The following SEMA6B variants were observed in gnomAD, a reference collection of about 807,000 sequenced individuals.
SEMA6B encodes the protein semaphorin 6B, also known as semaphorin-6B.
A neutral mutation model predicts 78.6 loss-of-function variants in SEMA6B; 47 were observed. That is an observed-to-expected ratio of 0.60 (90% confidence interval 0.47 to 0.76). The LOEUF is 0.76. Ranked by LOEUF, SEMA6B falls within the 30% of genes least tolerant of loss-of-function variation. SEMA6B has a pLI of 0.00. For synonymous variants in SEMA6B, 632 were observed against 592.2 expected, an observed-to-expected ratio of 1.07 and a Z score of -0.98; for missense variants, 1,213 against 1,269.9, an observed-to-expected ratio of 0.96 and a Z score of 0.68.
chr19:4,547,970 C>T (rs1977212459), intron 14 of SEMA6B, 57 bp downstream of exon 14: 2 of 1,490,916 alleles, frequency 1.3e-6, no homozygotes, highest in Admixed American at 2.1e-5. Context: ...AGCTGTCCCT[C>T]CCTGTGCCCA....
Position 4,544,190 on chromosome 19 carries a change from G to A in SEMA6B, c.2078C>T (p.Thr693Met). 1.6e-6 allele frequency: 2 copies of A among 1,270,668 alleles called. No individual in the cohort carries two copies. Among genetic ancestry groups the A allele is most frequent in the South Asian group, 2.6e-5 (1 of 38,076 alleles). 78.7% of individuals were successfully genotyped at this position (1,270,668 alleles called of 1,614,324 possible). The change falls in exon 17 of 17, where the codon ACG (threonine) becomes ATG (methionine). Residue 693 changes from threonine (T) to methionine (M), a missense_variant. Transcript: ENST00000586582. The surrounding 1 kb of genome is among the most constrained non-coding windows in gnomAD (Gnocchi z 5.1). ...PLMQNGWAKATLLQGGPHDLD... is the reference protein window; with the variant it reads ...PLMQNGWAKAMLLQGGPHDLD... ...GTCGTGGGGCCCGCCCTGCAGCAGC[G>A]TGGCCTTGGCCCAGCCGTTCTGCAT...
chr19:4,556,814 G>T (rs1047620809), intron 5 of SEMA6B, 137 bp downstream of exon 5: 11 of 774,462 alleles, frequency 1.4e-5, no homozygotes, highest in Non-Finnish European at 1.7e-5. Flanking sequence ...CAGTTGGGCG[G>T]GGCCAGGGCT....
rs1263231532 is a variant in SEMA6B, at chr19:4,555,862, G to A, written c.471+126C>T. On this transcript the variant is annotated intron_variant, in intron 6 of 16. Transcript: ENST00000586582. The surrounding 1 kb of genome is among the most constrained non-coding windows in gnomAD (Gnocchi z 6.1). ...CTTGAGCTCAGGGGGAGGAGGCAGGGAGAGTATATCCAGGAAGGCTTCCTG... is the reference window on the plus strand; with the variant it reads ...CTTGAGCTCAGGGGGAGGAGGCAGGAAGAGTATATCCAGGAAGGCTTCCTG... The A allele has an allele frequency of 1.7e-4, 132 of 787,828 alleles. No individual in the cohort carries two copies. In the African/African-American group the frequency reaches 1.9e-3, roughly 11 times the overall value. The allele number at this position is 787,828 out of a possible 1,614,324, so 48.8% of individuals were successfully genotyped here. A position where few individuals can be genotyped will look rare whatever the true frequency, so the allele number is the denominator to read the frequency against.
rs778966112 is a variant in SEMA6B, at chr19:4,558,382, G to C, written c.76C>G (p.Leu26Val). 7.8e-7 allele frequency: 1 copy of C among 1,283,338 alleles called. No individual in the cohort carries two copies. The highest frequency in any genetic ancestry group is 9.9e-7 in the Non-Finnish European group (1 of 1,006,912). 79.5% of individuals were successfully genotyped at this position (1,283,338 alleles called of 1,614,324 possible). A position where few individuals can be genotyped will look rare whatever the true frequency, so the allele number is the denominator to read the frequency against. The change falls in exon 2 of 17, where the codon CTC (leucine) becomes GTC (valine). Residue 26 changes from leucine (L) to valine (V), a missense_variant. Coordinates refer to ENST00000586582, the MANE Select transcript of SEMA6B (RefSeq NM_032108.4). This position sits in a 1 kb window ranked among gnomAD's most constrained non-coding sequence, Gnocchi z 5.1. ...AGCGGCGGCGGCTCCTCAGGAAAGA[G>C]GCCGTGGGCGCCCCCCAGTAGCAGC... is the stretch of plus-strand genomic sequence containing the variant. ...LLLLLGGAHG[L>V]FPEEPPPLSV...
chr19:4,559,192 CAAA>C (rs11295195), intron 1 of SEMA6B, among the ~76,000 whole-genome samples: 13 of 107,676 alleles, frequency 1.2e-4, no homozygotes, highest in East Asian at 2.8e-4. Flanking sequence ...AGACTCCATC[CAAA>C]AAAAAAAAAA....
rs372811450 is a variant in SEMA6B, at chr19:4,557,025, G to A, written c.307-12C>T. On this transcript the variant is annotated splice_polypyrimidine_tract_variant and intron_variant, in intron 4 of 16. Transcript: ENST00000586582. The stretch of plus-strand genomic sequence containing the variant: ...CTCCAGGTCAGCTTCTGCAGACAGA[G>A]AGAGCTGGTGAGGGGGTAACGGGTC... The A allele has an allele frequency of 1.1e-5, 17 of 1,611,670 alleles. No individual in the cohort carries two copies. The East Asian group carries it at 3.6e-4, about 34-fold the overall frequency.
At position 4,555,971 on chromosome 19, in the gene SEMA6B, G is replaced by A; in HGVS notation, c.471+17C>T. The stretch of plus-strand genomic sequence containing the variant: ...CCTGGAGGTTGGACCTGGGGCGCAG[G>A]GAGTCTGAAGACTCACGCTGTAGTT... On this transcript the variant is annotated intron_variant, in intron 6 of 16. Transcript: ENST00000586582. The surrounding 1 kb of genome is among the most constrained non-coding windows in gnomAD (Gnocchi z 6.1). 3 of 1,594,222 alleles carry A rather than the reference G, an allele frequency of 1.9e-6. No individual in the cohort carries two copies. The highest frequency in any genetic ancestry group is 1.7e-6 in the Non-Finnish European group (2 of 1,162,038).
At chr19:4,553,007 GTAGT>G (rs1555697866) in intron 9 of SEMA6B, among the ~76,000 whole-genome samples, 2 of 152,232 alleles carry the variant, frequency 1.3e-5, no homozygotes, top group South Asian at 2.1e-4. Flanking sequence ...GGTCACAATA[GTAGT>G]TAGTGGCAGT....
At position 4,546,473 on chromosome 19, in the gene SEMA6B, GA is replaced by G. The variant is rs1292927081; in HGVS notation, c.1602-5del. 1 of 1,552,808 alleles carries G rather than the reference GA, an allele frequency of 6.4e-7. No individual in the cohort carries two copies. Among genetic ancestry groups the G allele is most frequent in the Non-Finnish European group, 8.7e-7 (1 of 1,147,188 alleles). Reference sequence around the variant, plus strand: ...GTCCTGACTGCCGATACAGTTCCTAGAGCAGACCAGGGACCGAATGGGACAA... The same window carrying G: ...GTCCTGACTGCCGATACAGTTCCTAGGCAGACCAGGGACCGAATGGGACAA... On this transcript the variant is annotated splice_polypyrimidine_tract_variant and splice_region_variant and intron_variant, in intron 14 of 16. Coordinates refer to ENST00000586582, the MANE Select transcript of SEMA6B (RefSeq NM_032108.4).
chr19:4,556,639 G>A (rs1599782985), intron 5 of SEMA6B, among the ~76,000 whole-genome samples: 1 of 152,006 alleles, frequency 6.6e-6, no homozygotes, highest in Non-Finnish European at 1.5e-5. Flanking sequence ...GTTGGAACGA[G>A]GCTGGGGGTG....
chr19:4,546,374 C>A lies in SEMA6B; in HGVS notation c.1679+18G>T. On this transcript the variant is annotated intron_variant, in intron 15 of 16. Coordinates refer to ENST00000586582, the MANE Select transcript of SEMA6B (RefSeq NM_032108.4). The stretch of plus-strand genomic sequence containing the variant: ...CGGGTCTGACACACCCTCCACCCAC[C>A]TCCCTCTCCCGCAGTACCTGGTGCC... 6.3e-7 allele frequency: 1 copy of A among 1,583,386 alleles called. No homozygotes were observed. The highest frequency in any genetic ancestry group is 8.6e-7 in the Non-Finnish European group (1 of 1,163,834).
chr19:4,543,153 C>A lies in SEMA6B; in HGVS notation c.*448G>T, dbSNP rs1179673062. On this transcript the variant is annotated 3_prime_UTR_variant, in exon 17 of 17. Transcript: ENST00000586582. ...GCACACGCACGCACACCCACACACG[C>A]CAGGGGCCTGGGTTGGGGAGGGACC... is the stretch of plus-strand genomic sequence containing the variant. 8 of 606,302 alleles carry A rather than the reference C, an allele frequency of 1.3e-5. No homozygotes were observed. The highest frequency in any genetic ancestry group is 1.8e-5 in the Non-Finnish European group (6 of 338,242). 37.6% of individuals were successfully genotyped at this position (606,302 alleles called of 1,614,324 possible). A position where few individuals can be genotyped will look rare whatever the true frequency, so the allele number is the denominator to read the frequency against.
Position 4,555,615 on chromosome 19 carries a change from G to T in SEMA6B, c.472-51C>A. The T allele has an allele frequency of 6.8e-7, 1 of 1,478,038 alleles. No individual in the cohort carries two copies. The allele number at this position is 1,478,038 out of a possible 1,614,324, so 91.6% of individuals were successfully genotyped here. A position where few individuals can be genotyped will look rare whatever the true frequency, so the allele number is the denominator to read the frequency against. ...ACAGATCTCCTGACCCCACCTAGCA[G>T]CCCCTGGCTCCCTCAGCCCCCCACT... On this transcript the variant is annotated intron_variant, in intron 6 of 16. Coordinates refer to ENST00000586582, the MANE Select transcript of SEMA6B (RefSeq NM_032108.4). The surrounding 1 kb of genome is among the most constrained non-coding windows in gnomAD (Gnocchi z 6.1).
At position 4,555,433 on chromosome 19, in the gene SEMA6B, G is replaced by A; in HGVS notation, c.562+41C>T. On this transcript the variant is annotated intron_variant, in intron 7 of 16. Coordinates refer to ENST00000586582, the MANE Select transcript of SEMA6B (RefSeq NM_032108.4). The surrounding 1 kb of genome is among the most constrained non-coding windows in gnomAD (Gnocchi z 6.1). ...GAGTAGAAAATGCCAGGTCTTGCCTGTGGCTGGGGCTGATCAGATGGAGGT... is the reference window on the plus strand; with the variant it reads ...GAGTAGAAAATGCCAGGTCTTGCCTATGGCTGGGGCTGATCAGATGGAGGT... 1 of 1,544,158 alleles carries A rather than the reference G, an allele frequency of 6.5e-7. No homozygotes were observed. The highest frequency in any genetic ancestry group is 8.8e-7 in the Non-Finnish European group (1 of 1,133,732).
chr19:4,549,732 C>A (rs577221020), intron 12 of SEMA6B, among the ~76,000 whole-genome samples: 39 of 152,230 alleles, frequency 2.6e-4, no homozygotes, highest in African/African-American at 8.7e-4. Flanking sequence ...CCTGCCTCGG[C>A]CTCCCAAAGT....
intron 3 of SEMA6B, among the ~76,000 whole-genome samples, chr19:4,557,724 T>A (rs2092494004): frequency 6.6e-6 from 1 of 152,120 alleles, no homozygotes; most frequent in African/African-American, 2.4e-5. Flanking sequence ...CCAGCCTCAA[T>A]CATAGCCAGC....
At chr19:4,545,426 T>A (rs1034248335) in intron 16 of SEMA6B, among the ~76,000 whole-genome samples, 1 of 149,872 alleles carries the variant, frequency 6.7e-6, no homozygotes, top group Non-Finnish European at 1.5e-5. Context: ...AGCCTCCACC[T>A]CCCTGGGCTC....
At chr19:4,557,337 C>T (rs917545481) in intron 3 of SEMA6B, 114 bp from the exon 4 acceptor site, 1 of 720,650 alleles carries the variant, frequency 1.4e-6, no homozygotes, top group Non-Finnish European at 2.3e-6. Context: ...ATGCCAATGC[C>T]TCTGACACGA....
Position 4,544,158 on chromosome 19 carries a change from A to T in SEMA6B, c.2110T>A (p.Ser704Thr). Reference protein sequence around the residue: ...LLQGGPHDLDSGLLPTPEQTP... With the variant: ...LLQGGPHDLDTGLLPTPEQTP... ...TGCTCGGGCGTGGGCAGCAGCCCCG[A>T]GTCCAGGTCGTGGGGCCCGCCCTGC... The change falls in exon 17 of 17, where the codon TCG becomes ACG. Residue 704 changes from serine to threonine, a missense_variant. Coordinates refer to ENST00000586582, the MANE Select transcript of SEMA6B (RefSeq NM_032108.4). This position sits in a 1 kb window ranked among gnomAD's most constrained non-coding sequence, Gnocchi z 5.1. 1 of 1,271,526 alleles carries T rather than the reference A, an allele frequency of 7.9e-7. No homozygotes were observed. The highest frequency in any genetic ancestry group is 3.2e-5 in the East Asian group (1 of 30,886). The allele number at this position is 1,271,526 out of a possible 1,614,324, so 78.8% of individuals were successfully genotyped here. A position where few individuals can be genotyped will look rare whatever the true frequency, so the allele number is the denominator to read the frequency against.
Sources: gnomAD v4.1 joint callset for allele counts (sites outside exome capture counted in the v4.1 genomes callset) on GRCh38, gnomAD v4.1.1 for gene constraint, Gnocchi (gnomAD v3.1) non-coding constraint, MANE v1.5 for transcripts, NCBI Gene and HGNC (gene_info 2026-07-23, HGNC 2026-07-21) for gene names.